IL1RAPL1: variants seen among roughly 807,000 people sequenced by gnomAD.
IL1RAPL1 encodes interleukin-1 receptor accessory protein-like 1.
In IL1RAPL1, 3 loss-of-function variants were observed where a neutral mutation model predicts 48.4. That is an observed-to-expected ratio of 0.06 (90% CI 0.03 to 0.16). The LOEUF (loss-of-function observed/expected upper bound fraction) is 0.16, where lower values mean the gene tolerates loss of function less well. Ranked by LOEUF, IL1RAPL1 falls within the 10% of genes least tolerant of loss-of-function variation. IL1RAPL1 has a pLI of 1.00. For synonymous variants in IL1RAPL1, 185 were observed against 187.7 expected (o/e 0.99, Z 0.12); for missense variants, 349 against 530.6 (o/e 0.66, Z 3.36).
rs1040844049 is a variant in IL1RAPL1 at position 29,075,707 on chromosome X, C to T, written c.83-207231C>T. 3.6e-5 allele frequency among the ~76,000 whole-genome samples: 4 copies of T among 111,204 alleles called. No individual in the cohort carries two copies. The East Asian group carries it at 8.5e-4, about 24-fold the overall frequency. ...AGAAAATGAGTTTAAATGAGCCAGT[C>T]GTCTTAATATTTGGATACAATGGTC... On this transcript the variant is annotated intron_variant, in intron 2 of 10. Transcript: ENST00000378993.
intron 5 of IL1RAPL1, among the ~76,000 whole-genome samples, chrX:29,658,324 C>T (rs978777321): frequency 3.6e-5 from 4 of 111,376 alleles, no homozygotes; most frequent in Non-Finnish European, 5.6e-5. Flanking sequence ...AGGTGAAAAA[C>T]GAATAGAGAC....
chrX:28,773,733 A>G (rs1936332281), intron 1 of IL1RAPL1, among the ~76,000 whole-genome samples: 1 of 111,868 alleles, frequency 8.9e-6, no homozygotes, highest in Non-Finnish European at 1.9e-5. Context: ...ATCTCTCAAT[A>G]TAAAGTCATC....
At chrX:28,839,566 C>T (rs6653808) in intron 2 of IL1RAPL1, among the ~76,000 whole-genome samples, 12,715 of 109,459 alleles carry the variant, frequency 0.12, 1,263 homozygotes, top group African/African-American at 0.31. Context: ...AATAAAATGT[C>T]TATTGAACAG....
At chrX:28,712,213 G>T (rs12387961) in intron 1 of IL1RAPL1, among the ~76,000 whole-genome samples, 26,894 of 110,460 alleles carry the variant, frequency 0.24, 2,746 homozygotes, top group Middle Eastern at 0.41. Context: ...ACTTACCTAG[G>T]CTTTTCCTTC....
At chrX:29,925,083 C>T (rs972310764) in intron 8 of IL1RAPL1, among the ~76,000 whole-genome samples, 3 of 111,299 alleles carry the variant, frequency 2.7e-5, no homozygotes, top group Non-Finnish European at 3.8e-5. Context: ...GGTCATAAAA[C>T]GGTGCAAACT....
chrX:28,738,674 C>A (rs1038808582), intron 1 of IL1RAPL1, among the ~76,000 whole-genome samples: 2 of 111,242 alleles, frequency 1.8e-5, no homozygotes, highest in Admixed American at 1.9e-4. Flanking sequence ...AAGGCTTGTG[C>A]GGCTGCAGTA....
At chrX:28,906,674 T>C (rs1325834106) in intron 2 of IL1RAPL1, among the ~76,000 whole-genome samples, 7 of 111,976 alleles carry the variant, frequency 6.3e-5, no homozygotes, top group Non-Finnish European at 1.1e-4. Flanking sequence ...ATATCCAAGC[T>C]ATTTAGGTAA....
chrX:29,577,291 A>G (rs541436445), intron 5 of IL1RAPL1, among the ~76,000 whole-genome samples: 1 of 111,945 alleles, frequency 8.9e-6, no homozygotes, highest in Admixed American at 9.5e-5. Flanking sequence ...GTTATGAAAA[A>G]AAAGTACTGT....
chrX:29,919,244 T>G (rs1341360135), intron 7 of IL1RAPL1, among the ~76,000 whole-genome samples: 1 of 112,118 alleles, frequency 8.9e-6, no homozygotes, highest in African/African-American at 3.2e-5. Flanking sequence ...CCATGGTCTA[T>G]GAAATGCTAA....
At chrX:29,905,476 T>C (rs12841168) in intron 6 of IL1RAPL1, among the ~76,000 whole-genome samples, 11,321 of 106,669 alleles carry the variant, frequency 0.11, 493 homozygotes, top group Admixed American at 0.19. Context: ...AGGTTTTCTT[T>C]TAGGGTTTTT....
chrX:29,434,926 C>T (rs1010801578), intron 5 of IL1RAPL1, among the ~76,000 whole-genome samples: 1 of 110,836 alleles, frequency 9.0e-6, no homozygotes, highest in Middle Eastern at 4.3e-3. Flanking sequence ...AATTCTAGAA[C>T]ATTTCCATTA....
intron 1 of IL1RAPL1, among the ~76,000 whole-genome samples, chrX:28,608,169 G>A (rs1934107412): frequency 9.0e-6 from 1 of 111,624 alleles, no homozygotes; most frequent in African/African-American, 3.3e-5. Context: ...AAACGTTTAG[G>A]TTGACTGGCT....
chrX:29,236,857 C>T (rs764294842), intron 2 of IL1RAPL1, among the ~76,000 whole-genome samples: 284 of 109,532 alleles, frequency 2.6e-3, no homozygotes, highest in Middle Eastern at 4.7e-3. Context: ...GCATGAGCCA[C>T]CGCACCTGGC....
intron 2 of IL1RAPL1, among the ~76,000 whole-genome samples, chrX:29,204,120 G>A (rs1178135091): frequency 2.7e-5 from 3 of 111,304 alleles, no homozygotes; most frequent in Non-Finnish European, 3.8e-5. Flanking sequence ...TCAACTGCCC[G>A]TTGATAGACA....
At chrX:28,902,886 G>A (rs1923116077) in intron 2 of IL1RAPL1, among the ~76,000 whole-genome samples, 3 of 110,897 alleles carry the variant, frequency 2.7e-5, no homozygotes, top group Non-Finnish European at 5.7e-5. Context: ...ATGCCAGGGA[G>A]TGAGGGATTT....
intron 6 of IL1RAPL1, among the ~76,000 whole-genome samples, chrX:29,890,604 G>T (rs754437918): frequency 2.8e-4 from 31 of 112,137 alleles, no homozygotes; most frequent in Non-Finnish European, 4.7e-4. Flanking sequence ...ATAGCCTCCG[G>T]AGAAAATGCC....
chrX:29,594,832 C>T (rs1215940921), intron 5 of IL1RAPL1, among the ~76,000 whole-genome samples: 2 of 111,460 alleles, frequency 1.8e-5, no homozygotes, highest in Admixed American at 9.6e-5. Flanking sequence ...ATGCACCCAT[C>T]ACCTGAGCAG....
intron 6 of IL1RAPL1, among the ~76,000 whole-genome samples, chrX:29,899,120 G>GGTGTGTGTGTGT (rs112187676): frequency 2.2e-4 from 24 of 107,352 alleles, no homozygotes; most frequent in Admixed American, 2.1e-3. Flanking sequence ...TATTTATTAG[G>GGTGTGTGTGTGT]GTGTGTGTGT....
At chrX:28,669,982 C>G (rs1934931665) in intron 1 of IL1RAPL1, among the ~76,000 whole-genome samples, 1 of 109,845 alleles carries the variant, frequency 9.1e-6, no homozygotes, top group African/African-American at 3.3e-5. Flanking sequence ...TTTCCACTGA[C>G]TTTAAGTATA....
Sources: gnomAD v4.1 joint callset for allele counts (sites outside exome capture counted in the v4.1 genomes callset) on GRCh38, gnomAD v4.1.1 for gene constraint, MANE v1.5 for transcripts, NCBI Gene and HGNC (gene_info 2026-07-23, HGNC 2026-07-21) for gene names.